Variants in PTPRN2 observed in about 807,000 individuals in gnomAD.
PTPRN2 encodes the protein protein tyrosine phosphatase receptor type N2.
A neutral mutation model predicts 118.8 loss-of-function variants in PTPRN2; 74 were observed. The ratio of observed to expected loss-of-function variants is 0.62; its 90% CI spans 0.52 to 0.76. PTPRN2 has a LOEUF of 0.76. Among genes scored for constraint, PTPRN2 ranks in the 30% least tolerant of loss-of-function variants. The probability of loss-of-function intolerance (pLI) is 0.00; values close to 1 mark genes in which losing one functional copy is unlikely to be tolerated. For synonymous variants in PTPRN2, 641 were observed against 608.0 expected, an observed-to-expected ratio of 1.05 and a Z score of -0.80; for missense variants, 1,481 against 1,394.4, an observed-to-expected ratio of 1.06 and a Z score of -0.99.
chr7:158,157,889 G>C (rs998599447), intron 6 of PTPRN2, among the ~76,000 whole-genome samples: 1 of 152,216 alleles, frequency 6.6e-6, no homozygotes, highest in African/African-American at 2.4e-5. Flanking sequence ...TCGCTAGGAT[G>C]AAAGGCACTT....
intron 11 of PTPRN2, among the ~76,000 whole-genome samples, chr7:158,000,428 G>C (rs563672636): frequency 2.6e-5 from 4 of 151,966 alleles, no homozygotes; most frequent in African/African-American, 4.8e-5. Flanking sequence ...CGTGAAAGCC[G>C]TGGAGAGGCC....
chr7:157,870,314 A>AG (rs1810974000), intron 12 of PTPRN2, among the ~76,000 whole-genome samples: 1 of 152,172 alleles, frequency 6.6e-6, no homozygotes, highest in South Asian at 2.1e-4. Flanking sequence ...CAAATTGATG[A>AG]GGGGGTCTGC....
intron 7 of PTPRN2, among the ~76,000 whole-genome samples, chr7:158,137,836 G>C (rs1011644341): frequency 3.9e-5 from 6 of 152,224 alleles, no homozygotes; most frequent in Non-Finnish European, 7.3e-5. Context: ...GACCCATGGG[G>C]CCTCCACAGG....
intron 2 of PTPRN2, among the ~76,000 whole-genome samples, chr7:158,387,331 G>C (rs145188316): frequency 6.6e-6 from 1 of 152,212 alleles, no homozygotes; most frequent in South Asian, 2.1e-4. Flanking sequence ...AGGTCAGGGA[G>C]GGCTCATCCT....
In PTPRN2 at chr7:157,903,540, C is replaced by T. The variant is rs901691956; in HGVS notation, c.1724-4803G>A. ...ACCGACAACCCTCCCACATGCCCCA[C>T]GGTGCTGCCTCTCGAAACTGACTGG... is the stretch of plus-strand genomic sequence containing the variant. On this transcript the variant is annotated intron_variant, in intron 11 of 22. Coordinates refer to ENST00000389418, the MANE Select transcript of PTPRN2 (RefSeq NM_002847.5). This position sits in a 1 kb window ranked among gnomAD's most constrained non-coding sequence, Gnocchi z 4.2. Among the ~76,000 whole-genome samples, 3 of 152,008 alleles carry T rather than the reference C, an allele frequency of 2.0e-5. No homozygotes were observed. The highest frequency in any genetic ancestry group is 1.3e-4 in the Admixed American group (2 of 15,268).
intron 9 of PTPRN2, among the ~76,000 whole-genome samples, chr7:158,128,442 G>C (rs1817877733): frequency 6.6e-6 from 1 of 152,144 alleles, no homozygotes; most frequent in Non-Finnish European, 1.5e-5. Context: ...ACTGCTCATA[G>C]GAGGTAAATA....
At chr7:158,385,856 C>T (rs1040779958) in intron 2 of PTPRN2, among the ~76,000 whole-genome samples, 13 of 148,626 alleles carry the variant, frequency 8.7e-5, no homozygotes, top group African/African-American at 3.3e-4. Flanking sequence ...TGTTTCCCTC[C>T]ATGAGCAGAT....
rs189115774 is a variant in PTPRN2 at position 158,054,950 on chromosome 7, G to A, written c.1723+26348C>T. ...GGCCCCTGCCTGCTCCCCATCCTTC[G>A]TGCTCTGCCCAGCCGTCCCCTTCAC... On this transcript the variant is annotated intron_variant, in intron 11 of 22. Transcript: ENST00000389418. Among the ~76,000 whole-genome samples, 535 of 152,244 alleles carry A rather than the reference G, an allele frequency of 3.5e-3. 8 individuals carry two copies. Among genetic ancestry groups the A allele is most frequent in the South Asian group, 0.026 (127 of 4,814 alleles).
rs778445823 is a variant in PTPRN2 at position 157,903,349 on chromosome 7, A to G, written c.1724-4612T>C. ...GCTCACTACCTGCAAGACGGGAGCAAGCAAGACGGTACCCCAAACCTCAGC... is the reference window on the plus strand; with the variant it reads ...GCTCACTACCTGCAAGACGGGAGCAGGCAAGACGGTACCCCAAACCTCAGC... On this transcript the variant is annotated intron_variant, in intron 11 of 22. Coordinates refer to ENST00000389418, the MANE Select transcript of PTPRN2 (RefSeq NM_002847.5). The surrounding 1 kb of genome is among the most constrained non-coding windows in gnomAD (Gnocchi z 4.2). 1.3e-5 allele frequency among the ~76,000 whole-genome samples: 2 copies of G among 151,658 alleles called. No homozygotes were observed. Among genetic ancestry groups the G allele is most frequent in the Non-Finnish European group, 2.9e-5 (2 of 68,020 alleles).
chr7:158,334,705 G>C (rs1370750720), intron 2 of PTPRN2, among the ~76,000 whole-genome samples: 7 of 19,582 alleles, frequency 3.6e-4, no homozygotes, highest in South Asian at 3.1e-3. Context: ...CATAAGAGGT[G>C]ACACCTGCAG....
At chr7:158,253,618 G>A (rs1796831830) in intron 3 of PTPRN2, among the ~76,000 whole-genome samples, 2 of 152,158 alleles carry the variant, frequency 1.3e-5, no homozygotes, top group African/African-American at 4.8e-5. Context: ...GCGGTGGTCA[G>A]GTTGGCCTTG....
At chr7:158,497,905 C>T (rs957289603) in intron 1 of PTPRN2, among the ~76,000 whole-genome samples, 2 of 152,228 alleles carry the variant, frequency 1.3e-5, no homozygotes, top group African/African-American at 4.8e-5. Flanking sequence ...TTCTGCCGGG[C>T]ACAGATGTCA....
At chr7:158,150,042 G>A (rs567321584) in intron 6 of PTPRN2, among the ~76,000 whole-genome samples, 8 of 152,296 alleles carry the variant, frequency 5.3e-5, no homozygotes, top group African/African-American at 1.4e-4. Context: ...TGGCATCAAG[G>A]GCATGAATGA....
chr7:157,976,982 G>A (rs533919623), intron 11 of PTPRN2, among the ~76,000 whole-genome samples: 17 of 151,902 alleles, frequency 1.1e-4, no homozygotes, highest in East Asian at 9.7e-4. Flanking sequence ...GCCAGGAATC[G>A]TTATAGATTT....
At chr7:157,882,264 C>CA (rs1459255002) in intron 12 of PTPRN2, among the ~76,000 whole-genome samples, 1 of 152,040 alleles carries the variant, frequency 6.6e-6, no homozygotes, top group African/African-American at 2.4e-5. Context: ...CACGCCACCC[C>CA]AAAAATGACT....
rs572531841 is a variant in PTPRN2 at position 157,964,139 on chromosome 7, G to A, written c.1724-65402C>T. 3.3e-5 allele frequency among the ~76,000 whole-genome samples: 5 copies of A among 152,218 alleles called. No homozygotes were observed. The highest frequency in any genetic ancestry group is 1.9e-4 in the East Asian group (1 of 5,174). On this transcript the variant is annotated intron_variant, in intron 11 of 22. Coordinates refer to ENST00000389418, the MANE Select transcript of PTPRN2 (RefSeq NM_002847.5). This position sits in a 1 kb window ranked among gnomAD's most constrained non-coding sequence, Gnocchi z 9.0. The stretch of plus-strand genomic sequence containing the variant: ...TGACCTCCCTCTGTGTGGGACCCCC[G>A]TTCCCACTGGCACACCATGGGGACA...
chr7:158,536,231 C>T (rs1365134095), intron 1 of PTPRN2, among the ~76,000 whole-genome samples: 1 of 152,298 alleles, frequency 6.6e-6, no homozygotes, highest in Admixed American at 6.5e-5. Flanking sequence ...TCCTCTGGGT[C>T]CAGACAGGGC....
At chr7:158,103,603 C>G (rs867964650) in intron 10 of PTPRN2, among the ~76,000 whole-genome samples, 1 of 152,222 alleles carries the variant, frequency 6.6e-6, no homozygotes, top group African/African-American at 2.4e-5. Flanking sequence ...AGTTCCAGAA[C>G]CTTCTCTAGC....
chr7:158,123,341 G>A (rs1179909332), intron 9 of PTPRN2, among the ~76,000 whole-genome samples: 1 of 152,200 alleles, frequency 6.6e-6, no homozygotes, highest in African/African-American at 2.4e-5. Context: ...ACCAACGCGT[G>A]GTGACTGACA....
Sources: gnomAD v4.1 joint callset for allele counts (sites outside exome capture counted in the v4.1 genomes callset) on GRCh38, gnomAD v4.1.1 for gene constraint, Gnocchi (gnomAD v3.1) non-coding constraint, MANE v1.5 for transcripts, NCBI Gene and HGNC (gene_info 2026-07-23, HGNC 2026-07-21) for gene names.